CDH13: variants seen among roughly 807,000 people sequenced by gnomAD.
CDH13 encodes the protein cadherin 13.
CDH13 carries 24 observed loss-of-function variants against 63.8 expected under a neutral mutation model. That is an observed-to-expected ratio of 0.38 (90% confidence interval 0.27 to 0.53). CDH13 has a LOEUF of 0.53. Among genes scored for constraint, CDH13 ranks in the 20% least tolerant of loss-of-function variants. The probability of loss-of-function intolerance (pLI) is 0.85; values close to 1 mark genes in which losing one functional copy is unlikely to be tolerated. For missense variants in CDH13, 1,049 were observed against 903.1 expected, an observed-to-expected ratio of 1.16 and a Z score of -2.07; for synonymous variants, 503 against 355.3, an observed-to-expected ratio of 1.42 and a Z score of -4.67.
chr16:82,873,684 A>G (rs143146446), intron 2 of CDH13, among the ~76,000 whole-genome samples: 1 of 152,338 alleles, frequency 6.6e-6, no homozygotes, highest in Non-Finnish European at 1.5e-5. Flanking sequence ...GCTACATGCA[A>G]TATTTTTATT....
intron 1 of CDH13, among the ~76,000 whole-genome samples, chr16:82,821,888 C>G (rs1371563476): frequency 6.6e-6 from 1 of 152,146 alleles, no homozygotes; most frequent in African/African-American, 2.4e-5. Context: ...CCCCTTGGAC[C>G]ATCTATGCTT....
chr16:83,314,800 A>G (rs924890853), intron 5 of CDH13, among the ~76,000 whole-genome samples: 4 of 152,334 alleles, frequency 2.6e-5, no homozygotes, highest in Middle Eastern at 6.8e-3. Context: ...CATTAGGTGC[A>G]ACTTCATTCT....
At chr16:83,747,076 A>G (rs1395999850) in intron 10 of CDH13, among the ~76,000 whole-genome samples, 1 of 152,230 alleles carries the variant, frequency 6.6e-6, no homozygotes, top group Non-Finnish European at 1.5e-5. Flanking sequence ...TAGTCCCTAA[A>G]TATCTGTATA....
chr16:83,046,120 G>T (rs1157255122), intron 3 of CDH13, among the ~76,000 whole-genome samples: 1 of 152,140 alleles, frequency 6.6e-6, no homozygotes, highest in East Asian at 1.9e-4. Flanking sequence ...CATAGTTGAT[G>T]TTGTCTTTTT....
At chr16:83,038,759 A>G (rs1179547948) in intron 3 of CDH13, among the ~76,000 whole-genome samples, 1 of 152,244 alleles carries the variant, frequency 6.6e-6, no homozygotes, top group Non-Finnish European at 1.5e-5. Flanking sequence ...TTTATCTGCC[A>G]TATAAATGGG....
intron 1 of CDH13, among the ~76,000 whole-genome samples, chr16:82,667,346 A>T (rs1180591198): frequency 6.6e-6 from 1 of 152,174 alleles, no homozygotes; most frequent in Non-Finnish European, 1.5e-5. Flanking sequence ...GCGCGTACTG[A>T]GCTGGCCATC....
At chr16:82,716,002 T>G (rs1306031736) in intron 1 of CDH13, among the ~76,000 whole-genome samples, 3 of 152,188 alleles carry the variant, frequency 2.0e-5, no homozygotes. Flanking sequence ...GGAGTCAGCT[T>G]CCCTGCAGTC....
At chr16:83,555,659 C>T (rs1291346872) in intron 7 of CDH13, among the ~76,000 whole-genome samples, 1 of 152,200 alleles carries the variant, frequency 6.6e-6, no homozygotes, top group African/African-American at 2.4e-5. Flanking sequence ...CTAAGTGGAA[C>T]CATTCTGACT....
At chr16:83,341,380 A>G (rs2090718646) in intron 5 of CDH13, among the ~76,000 whole-genome samples, 1 of 152,218 alleles carries the variant, frequency 6.6e-6, no homozygotes, top group Non-Finnish European at 1.5e-5. Context: ...TGACCTTCGT[A>G]TGAGAACAGT....
intron 7 of CDH13, among the ~76,000 whole-genome samples, chr16:83,493,957 C>T (rs760481229): frequency 6.6e-6 from 1 of 152,162 alleles, no homozygotes; most frequent in African/African-American, 2.4e-5. Context: ...AAATTCTGAG[C>T]TTGTTAAATA....
rs77642445 is a variant in CDH13 at position 83,311,288 on chromosome 16, G to A, written c.637-33574G>A. On this transcript the variant is annotated intron_variant, in intron 5 of 13. Transcript: ENST00000567109. ...AACTTCTTATCAGGATGTGTGTCCCGGTGTGTGAAAGGAGGCTGCTTTGCA... is the reference window on the plus strand; with the variant it reads ...AACTTCTTATCAGGATGTGTGTCCCAGTGTGTGAAAGGAGGCTGCTTTGCA... Among the ~76,000 whole-genome samples the A allele has an allele frequency of 5.8e-3, 884 of 151,984 alleles. 6 individuals are homozygous for A. Among genetic ancestry groups the A allele is most frequent in the East Asian group, 0.017 (87 of 5,134 alleles).
At chr16:82,699,975 G>C (rs887472230) in intron 1 of CDH13, among the ~76,000 whole-genome samples, 5 of 152,258 alleles carry the variant, frequency 3.3e-5, no homozygotes, top group Non-Finnish European at 7.3e-5. Context: ...AGTTGCCAGA[G>C]AGCTTTGTTG....
intron 10 of CDH13, among the ~76,000 whole-genome samples, chr16:83,687,207 C>T (rs139014565): frequency 6.6e-5 from 10 of 151,536 alleles, no homozygotes; most frequent in Non-Finnish European, 1.0e-4. Context: ...AGTGAGACTT[C>T]GTCTAGAAAA....
At chr16:82,713,821 C>A (rs11150488) in intron 1 of CDH13, among the ~76,000 whole-genome samples, 77,688 of 139,056 alleles carry the variant, frequency 0.56, 22,310 homozygotes, top group Non-Finnish European at 0.64. Context: ...AAAAAACAAA[C>A]AAAAAAAAAG....
chr16:83,334,025 G>A (rs951528411), intron 5 of CDH13, among the ~76,000 whole-genome samples: 8 of 152,042 alleles, frequency 5.3e-5, no homozygotes, highest in African/African-American at 1.9e-4. Flanking sequence ...ACTCCTGGAA[G>A]CTCTTGGGGA....
At chr16:83,160,448 G>A (rs1016540980) in intron 4 of CDH13, among the ~76,000 whole-genome samples, 6 of 152,186 alleles carry the variant, frequency 3.9e-5, no homozygotes, top group Non-Finnish European at 7.3e-5. Context: ...CAATGGAGAT[G>A]AAGGGTGGGA....
At position 82,860,747 on chromosome 16, in the gene CDH13, C is replaced by G. The variant is rs1463835811; in HGVS notation, c.157+2274C>G. ...AGCCTGCAGATAAGGTTAATGGTGC[C>G]TAAATGAGGAAGAAAATTGTCATAG... On this transcript the variant is annotated intron_variant, in intron 2 of 13. Transcript: ENST00000567109. 2.0e-5 allele frequency among the ~76,000 whole-genome samples: 3 copies of G among 151,966 alleles called. No individual in the cohort carries two copies. In the East Asian group the frequency reaches 5.8e-4, roughly 29 times the overall value.
At chr16:83,778,833 T>C (rs1391198390) in intron 11 of CDH13, among the ~76,000 whole-genome samples, 1 of 152,026 alleles carries the variant, frequency 6.6e-6, no homozygotes, top group African/African-American at 2.4e-5. Context: ...CAGAAGAAAA[T>C]GTCTTGGATT....
intron 3 of CDH13, among the ~76,000 whole-genome samples, chr16:83,094,015 T>C (rs1160185871): frequency 1.3e-5 from 2 of 152,166 alleles, no homozygotes; most frequent in East Asian, 3.9e-4. Flanking sequence ...CTTTTATGAA[T>C]AGGCAAAATT....
Sources: gnomAD v4.1 joint callset for allele counts (sites outside exome capture counted in the v4.1 genomes callset) on GRCh38, gnomAD v4.1.1 for gene constraint, MANE v1.5 for transcripts, NCBI Gene and HGNC (gene_info 2026-07-23, HGNC 2026-07-21) for gene names.